XKR4: variants seen among roughly 807,000 people sequenced by gnomAD.
XKR4 encodes XK related 4.
Under a neutral mutation model 53.9 loss-of-function variants are expected in XKR4, and 12 were observed. That is an observed-to-expected ratio of 0.22 (90% CI 0.14 to 0.36). XKR4 has a LOEUF of 0.36. Among genes scored for constraint, XKR4 ranks in the 10% least tolerant of loss-of-function variants. XKR4 has a pLI of 1.00. For missense variants in XKR4, 799 were observed against 859.5 expected, an observed-to-expected ratio of 0.93 and a Z score of 0.88; for synonymous variants, 354 against 362.4, an observed-to-expected ratio of 0.98 and a Z score of 0.26.
At chr8:55,173,168 C>T (rs559633604) in intron 1 of XKR4, among the ~76,000 whole-genome samples, 1 of 151,722 alleles carries the variant, frequency 6.6e-6, no homozygotes, top group African/African-American at 2.4e-5. Flanking sequence ...AGCTGATAGG[C>T]AGACACATTA....
intron 2 of XKR4, among the ~76,000 whole-genome samples, chr8:55,375,013 C>T (rs1234908838): frequency 6.6e-6 from 1 of 152,090 alleles, no homozygotes; most frequent in African/African-American, 2.4e-5. Context: ...AGGGTGATGC[C>T]CCCAGCAACC....
chr8:55,522,198 C>T (rs1227170188), intron 2 of XKR4, among the ~76,000 whole-genome samples: 1 of 152,128 alleles, frequency 6.6e-6, no homozygotes. Flanking sequence ...TAGAGGAAAA[C>T]AATACAAATG....
At chr8:55,332,125 G>A (rs1803391614) in intron 1 of XKR4, among the ~76,000 whole-genome samples, 1 of 150,852 alleles carries the variant, frequency 6.6e-6, no homozygotes, top group South Asian at 2.1e-4. Context: ...TTCTTTTTTT[G>A]GTTACCATAG....
intron 1 of XKR4, among the ~76,000 whole-genome samples, chr8:55,124,529 T>A (rs911876729): frequency 6.6e-6 from 1 of 152,224 alleles, no homozygotes; most frequent in African/African-American, 2.4e-5. Context: ...GTGTCATTTT[T>A]AATCTTTTCC....
At chr8:55,455,594 A>G (rs756999689) in intron 2 of XKR4, among the ~76,000 whole-genome samples, 8 of 152,368 alleles carry the variant, frequency 5.3e-5, no homozygotes, top group Non-Finnish European at 7.3e-5. Flanking sequence ...TTCCAGCTCA[A>G]GTTTACAATC....
intron 2 of XKR4, among the ~76,000 whole-genome samples, chr8:55,389,599 A>G (rs1219723686): frequency 6.6e-6 from 1 of 152,230 alleles, no homozygotes; most frequent in Non-Finnish European, 1.5e-5. Context: ...GAATACAGAT[A>G]TACCATCCAC....
chr8:55,376,105 A>G (rs988573708), intron 2 of XKR4, among the ~76,000 whole-genome samples: 2 of 152,212 alleles, frequency 1.3e-5, no homozygotes, highest in Non-Finnish European at 2.9e-5. Flanking sequence ...TGTATGTACC[A>G]CATTTTCTCT....
chr8:55,216,957 T>G (rs777820371), intron 1 of XKR4, among the ~76,000 whole-genome samples: 17 of 152,066 alleles, frequency 1.1e-4, no homozygotes, highest in Non-Finnish European at 1.0e-4. Flanking sequence ...ACATGGATAG[T>G]CCTTGCCAGG....
At chr8:55,213,755 G>A (rs763754617) in intron 1 of XKR4, among the ~76,000 whole-genome samples, 9 of 150,844 alleles carry the variant, frequency 6.0e-5, no homozygotes, top group Non-Finnish European at 1.2e-4. Context: ...ACTCAGGTCA[G>A]ATCTCTTTCA....
intron 2 of XKR4, among the ~76,000 whole-genome samples, chr8:55,460,441 C>T (rs1301381991): frequency 6.6e-6 from 1 of 152,144 alleles, no homozygotes; most frequent in Non-Finnish European, 1.5e-5. Flanking sequence ...ATCAATAAGG[C>T]TGTTTTAGAA....
At chr8:55,362,032 G>A (rs996295223) in intron 2 of XKR4, among the ~76,000 whole-genome samples, 1 of 152,116 alleles carries the variant, frequency 6.6e-6, no homozygotes, top group African/African-American at 2.4e-5. Context: ...GCCTCAATTT[G>A]CCCATGAATA....
intron 1 of XKR4, among the ~76,000 whole-genome samples, chr8:55,180,546 T>C (rs1817294187): frequency 6.6e-6 from 1 of 152,186 alleles, no homozygotes; most frequent in Non-Finnish European, 1.5e-5. Flanking sequence ...TCTTTTTTTT[T>C]CTTTGAGACG....
chr8:55,454,876 G>C (rs1164728528), intron 2 of XKR4: 1 of 763,660 alleles, frequency 1.3e-6, no homozygotes, highest in Non-Finnish European at 2.4e-6. Context: ...TCCTTAGCGC[G>C]TGTCGTTTCC....
At chr8:55,397,695 G>A (rs181404329) in intron 2 of XKR4, among the ~76,000 whole-genome samples, 356 of 152,194 alleles carry the variant, frequency 2.3e-3, no homozygotes, top group Non-Finnish European at 4.3e-3. Flanking sequence ...TCCCAAGCCC[G>A]TGGGTGCATT....
intron 1 of XKR4, among the ~76,000 whole-genome samples, chr8:55,135,835 A>G (rs1816620352): frequency 6.6e-6 from 1 of 152,034 alleles, no homozygotes; most frequent in Non-Finnish European, 1.5e-5. Flanking sequence ...CTCTGAAGAA[A>G]ACATTGGATA....
intron 1 of XKR4, among the ~76,000 whole-genome samples, chr8:55,237,757 T>C (rs1372916538): frequency 6.6e-6 from 1 of 152,220 alleles, no homozygotes; most frequent in Non-Finnish European, 1.5e-5. Flanking sequence ...TTTATCCTGA[T>C]GTAGTATGTG....
chr8:55,304,226 A>G (rs1284628628), intron 1 of XKR4, among the ~76,000 whole-genome samples: 1 of 152,312 alleles, frequency 6.6e-6, no homozygotes, highest in East Asian at 1.9e-4. Context: ...TTCAAAGAAC[A>G]TCGTTATTTC....
intron 2 of XKR4, among the ~76,000 whole-genome samples, chr8:55,361,215 C>T (rs904689265): frequency 6.6e-6 from 1 of 152,004 alleles, no homozygotes; most frequent in Non-Finnish European, 1.5e-5. Context: ...GTTTACAGGT[C>T]GTTATGGTTT....
At chr8:55,218,420 G>C (rs1388697974) in intron 1 of XKR4, among the ~76,000 whole-genome samples, 1 of 152,008 alleles carries the variant, frequency 6.6e-6, no homozygotes, top group Non-Finnish European at 1.5e-5. Context: ...TTTAAGTGAG[G>C]GTTATCCACA....
Sources: gnomAD v4.1 joint callset for allele counts (sites outside exome capture counted in the v4.1 genomes callset) on GRCh38, gnomAD v4.1.1 for gene constraint, MANE v1.5 for transcripts, NCBI Gene and HGNC (gene_info 2026-07-23, HGNC 2026-07-21) for gene names.